Variants in TMEM114 observed in about 807,000 individuals in gnomAD.
TMEM114 encodes claudin-26.
In TMEM114, 6 loss-of-function variants were observed where a neutral mutation model predicts 6.2. The ratio of observed to expected loss-of-function variants is 0.97; its 90% CI spans 0.53 to 1.91. The LOEUF (loss-of-function observed/expected upper bound fraction) is 1.91. TMEM114 is among the 40% of genes most tolerant of loss of function. The pLI, the probability that TMEM114 is intolerant of heterozygous loss-of-function variation, is 0.01. For synonymous variants in TMEM114, 104 were observed against 73.0 expected, an observed-to-expected ratio of 1.42 and a Z score of -2.16; for missense variants, 218 against 158.3, an observed-to-expected ratio of 1.38 and a Z score of -2.02.
At chr16:8,534,678 T>G (rs879603718), downstream of TMEM114, among the ~76,000 whole-genome samples, 13 of 152,240 alleles carry the variant, frequency 8.5e-5, no homozygotes, top group Non-Finnish European at 1.3e-4. Context: ...TGGTTGTTAC[T>G]GACTTTGAGC....
chr16:8,536,862 A>G (rs973385819), downstream of TMEM114, among the ~76,000 whole-genome samples: 6 of 152,130 alleles, frequency 3.9e-5, no homozygotes, highest in African/African-American at 7.2e-5. Context: ...GTTTCAAAAT[A>G]AAGATAATAT....
At chr16:8,551,101 C>T (rs913818186) in intron 2 of TMEM114, among the ~76,000 whole-genome samples, 5 of 152,330 alleles carry the variant, frequency 3.3e-5, no homozygotes, top group Non-Finnish European at 2.9e-5. Context: ...TCCCAGGAAA[C>T]GTGCTGCGGT....
chr16:8,565,513 C>A (rs377249768), downstream of TMEM114, among the ~76,000 whole-genome samples: 2 of 152,136 alleles, frequency 1.3e-5, no homozygotes, highest in Admixed American at 6.5e-5. Context: ...GGACACGCGC[C>A]GTAGTCCCAC....
rs1900838938 is a variant in TMEM114 at position 8,551,383 on chromosome 16, T to TTCC, written n.213-13558_213-13557insGGA. Among the ~76,000 whole-genome samples the TTCC allele has an allele frequency of 2.0e-5, 3 of 152,318 alleles. No homozygotes were observed. In the East Asian group the frequency reaches 5.8e-4, roughly 29 times the overall value. On this transcript the variant is annotated intron_variant and non_coding_transcript_variant, in intron 2 of 2. Transcript: ENST00000623677. ...AACGGTGGGACCCTGACTGAGCAAG[T>TTCC]GGCTTAGCCTACACTGTGTAGCCTT...
At chr16:8,567,804 C>T (rs142844985), downstream of TMEM114, among the ~76,000 whole-genome samples, 33 of 152,298 alleles carry the variant, frequency 2.2e-4, no homozygotes, top group African/African-American at 7.0e-4. Context: ...AGCAGTTCCA[C>T]AATACGACCA....
chr16:8,531,479 G>A, the TMEM114 span, among the ~76,000 whole-genome samples: 1 of 152,198 alleles, frequency 6.6e-6, no homozygotes, highest in Non-Finnish European at 1.5e-5. Context: ...TATCACAAGG[G>A]AAGCCATGTT....
intron 2 of TMEM114, among the ~76,000 whole-genome samples, chr16:8,555,304 G>C (rs766273227): frequency 3.3e-5 from 5 of 152,220 alleles, no homozygotes; most frequent in Non-Finnish European, 7.3e-5. Flanking sequence ...GAGGTGGCAG[G>C]GTTGCAGCTC....
chr16:8,561,918 AAGTG>A (rs1901228331), intron 2 of TMEM114, among the ~76,000 whole-genome samples: 15 of 115,834 alleles, frequency 1.3e-4, no homozygotes, highest in Admixed American at 8.5e-5. Flanking sequence ...ATGAATGAGT[AAGTG>A]AATGAGTGAG....
chr16:8,564,389 ATGAG>A (rs1299707705), intron 2 of TMEM114, among the ~76,000 whole-genome samples: 1 of 142,998 alleles, frequency 7.0e-6, no homozygotes, highest in Non-Finnish European at 1.5e-5. Flanking sequence ...GAGTGAGGGA[ATGAG>A]TGAGTGAGTG....
At chr16:8,550,022 C>A (rs921398663) in intron 2 of TMEM114, among the ~76,000 whole-genome samples, 1 of 152,160 alleles carries the variant, frequency 6.6e-6, no homozygotes, top group African/African-American at 2.4e-5. Context: ...CCCTGGCAAA[C>A]CACTGGTGTA....
downstream of TMEM114, among the ~76,000 whole-genome samples, chr16:8,566,854 T>C (rs1310597362): frequency 6.6e-6 from 1 of 150,740 alleles, no homozygotes; most frequent in Non-Finnish European, 1.5e-5. Flanking sequence ...TTGTCCTTCC[T>C]GGAGTCACAT....
At chr16:8,554,454 GAA>G (rs2141662154) in intron 2 of TMEM114, among the ~76,000 whole-genome samples, 1 of 152,106 alleles carries the variant, frequency 6.6e-6, no homozygotes, top group South Asian at 2.1e-4. Flanking sequence ...CAGAGAGAGA[GAA>G]TCTCCTTCTT....
chr16:8,550,638 A>T (rs1422486523), intron 2 of TMEM114, among the ~76,000 whole-genome samples: 1 of 151,090 alleles, frequency 6.6e-6, no homozygotes, highest in African/African-American at 2.4e-5. Flanking sequence ...AGATCGCACC[A>T]TTGCTCTCCA....
At chr16:8,572,265 C>A (rs1278933939) in intron 2 of TMEM114, 41 bp from the exon 3 acceptor site, 1 of 1,550,876 alleles carries the variant, frequency 6.4e-7, no homozygotes, top group East Asian at 2.4e-5. Context: ...AGGACAGTTA[C>A]TAACATCCTT....
At chr16:8,568,158 T>C (rs1901607574), downstream of TMEM114, among the ~76,000 whole-genome samples, 1 of 152,196 alleles carries the variant, frequency 6.6e-6, no homozygotes, top group Non-Finnish European at 1.5e-5. Flanking sequence ...AGTTTCCTCA[T>C]CTGTACCCTG....
At chr16:8,530,647 A>G in the TMEM114 span, among the ~76,000 whole-genome samples, 1 of 151,940 alleles carries the variant, frequency 6.6e-6, no homozygotes, top group South Asian at 2.1e-4. Context: ...GGGGGGACGG[A>G]TGAAGAGAGG....
Position 8,584,858 on chromosome 16 carries a change from G to C in TMEM114, c.301+4355C>G, listed in dbSNP as rs182777389. Among the ~76,000 whole-genome samples the C allele has an allele frequency of 1.4e-3, 206 of 149,100 alleles. 1 individual carries two copies. The highest frequency in any genetic ancestry group is 5.0e-3 in the African/African-American group (200 of 40,352). On this transcript the variant is annotated intron_variant, in intron 2 of 3. Coordinates refer to ENST00000620492, the MANE Select transcript of TMEM114 (RefSeq NM_001146336.2). ...AATTGCTTAAATCCAGGAGGCGGAGGTTGCAGTGAGCCGAGATCGCGCCAT... is the reference window on the plus strand; with the variant it reads ...AATTGCTTAAATCCAGGAGGCGGAGCTTGCAGTGAGCCGAGATCGCGCCAT...
intron 2 of TMEM114, among the ~76,000 whole-genome samples, chr16:8,573,734 C>A (rs1231089548): frequency 6.6e-6 from 1 of 152,166 alleles, no homozygotes; most frequent in African/African-American, 2.4e-5. Flanking sequence ...TCTGGGAAGT[C>A]TTTCCTTACA....
At chr16:8,587,613 A>G (rs1397942650) in intron 2 of TMEM114, among the ~76,000 whole-genome samples, 1 of 152,210 alleles carries the variant, frequency 6.6e-6, no homozygotes, top group African/African-American at 2.4e-5. Flanking sequence ...AAAGCGGAGA[A>G]TGGGGCTGGA....
Sources: allele counts gnomAD v4.1 joint callset (sites outside exome capture counted in the v4.1 genomes callset), GRCh38; gene constraint gnomAD v4.1.1; transcripts MANE v1.5; gene names NCBI Gene and HGNC (gene_info 2026-07-23, HGNC 2026-07-21).